Variants in TRPC1 observed in about 807,000 individuals in gnomAD.
TRPC1 encodes transient receptor potential cation channel subfamily C member 1, also known as short transient receptor potential channel 1.
In TRPC1, 42 loss-of-function variants were observed where a neutral mutation model predicts 88.2. The ratio of observed to expected loss-of-function variants is 0.48; its 90% confidence interval spans 0.37 to 0.62. TRPC1 has a LOEUF of 0.62. Ranked by LOEUF, TRPC1 falls within the 20% of genes least tolerant of loss-of-function variation. The probability of loss-of-function intolerance (pLI) is 0.00; values close to 1 mark genes in which losing one functional copy is unlikely to be tolerated. For synonymous variants in TRPC1, 288 were observed against 331.8 expected (o/e 0.87, Z 1.43); for missense variants, 699 against 957.3 (o/e 0.73, Z 3.56).
chr3:142,751,842 A>G (rs891306170), intron 4 of TRPC1, among the ~76,000 whole-genome samples: 1 of 152,098 alleles, frequency 6.6e-6, no homozygotes, highest in South Asian at 2.1e-4. Flanking sequence ...TCTGATGTTT[A>G]TTTGCAGAGG....
At chr3:142,774,570 G>T (rs1221830147) in intron 4 of TRPC1, among the ~76,000 whole-genome samples, 9 of 152,308 alleles carry the variant, frequency 5.9e-5, no homozygotes, top group African/African-American at 2.2e-4. Context: ...ACTGAACTGG[G>T]GGCAGGGGTG....
intron 4 of TRPC1, among the ~76,000 whole-genome samples, chr3:142,773,824 AC>A (rs544221569): frequency 2.8e-4 from 40 of 144,418 alleles, no homozygotes; most frequent in Non-Finnish European, 2.8e-4. Flanking sequence ...ATAGTGGTAA[AC>A]CTCTAATGTT....
intron 1 of TRPC1, among the ~76,000 whole-genome samples, chr3:142,725,494 G>T (rs950897447): frequency 2.4e-4 from 37 of 152,242 alleles, no homozygotes; most frequent in African/African-American, 8.4e-4. Flanking sequence ...TATATTTAGC[G>T]CGTTATCCTT....
chr3:142,778,026 T>A (rs951623770), intron 5 of TRPC1, among the ~76,000 whole-genome samples: 1 of 152,168 alleles, frequency 6.6e-6, no homozygotes, highest in African/African-American at 2.4e-5. Context: ...ACCAAAGGCA[T>A]TGTAGAGCAG....
intron 4 of TRPC1, among the ~76,000 whole-genome samples, chr3:142,758,189 T>C (rs1186112387): frequency 6.6e-6 from 1 of 152,214 alleles, no homozygotes; most frequent in Non-Finnish European, 1.5e-5. Context: ...GTTCTATTTT[T>C]AGTTTTTTGA....
chr3:142,735,447 A>G (rs12636864), intron 1 of TRPC1, among the ~76,000 whole-genome samples: 1,815 of 152,198 alleles, frequency 0.012, 48 homozygotes, highest in East Asian at 0.09. Flanking sequence ...TTATTTATCT[A>G]TTGTTTAACA....
chr3:142,782,145 G>A (rs553247967), intron 6 of TRPC1, among the ~76,000 whole-genome samples: 4 of 152,144 alleles, frequency 2.6e-5, no homozygotes, highest in East Asian at 1.9e-4. Context: ...AAAGAAAGGC[G>A]TAAAGAACTA....
At chr3:142,761,848 A>G (rs1023641847) in intron 4 of TRPC1, among the ~76,000 whole-genome samples, 1 of 152,064 alleles carries the variant, frequency 6.6e-6, no homozygotes, top group Non-Finnish European at 1.5e-5. Context: ...AGGTTTTTCA[A>G]TTAGTTTTGC....
Position 142,748,413 on chromosome 3 carries a change from C to T in TRPC1, c.585C>T (p.Cys195=). The change falls in exon 4 of 13, where the codon TGC becomes TGT. Residue 195 remains cysteine, a synonymous_variant. Transcript: ENST00000476941. ...AGCCCCATGCAGTTGGCTGTGAATG[C>T]ACATTGTGTTCTGCAAAAAACAAAA... ...LPKPHAVGCE[C]TLCSAKNKKD... 1 of 1,614,080 alleles carries T rather than the reference C, an allele frequency of 6.2e-7. No individual in the cohort carries two copies.
intron 4 of TRPC1, among the ~76,000 whole-genome samples, chr3:142,771,857 A>G (rs959318388): frequency 7.9e-5 from 12 of 152,148 alleles, no homozygotes; most frequent in African/African-American, 2.9e-4. Context: ...CAGTTCTGGT[A>G]GCAATATATT....
Position 142,748,362 on chromosome 3 carries a change from C to T in TRPC1, c.534C>T (p.Leu178=). 6.2e-7 allele frequency: 1 copy of T among 1,614,108 alleles called. No individual in the cohort carries two copies. Among genetic ancestry groups the T allele is most frequent in the Non-Finnish European group, 8.5e-7 (1 of 1,179,986 alleles). The part of the protein sequence containing the change: ...HRNNYEILTM[L]LKQDVSLPKP... ...ACAACTATGAAATTCTTACAATGCT[C>T]TTAAAACAGGATGTATCTCTACCCA... Residue 178 remains leucine, a synonymous_variant, in exon 4 of 13, where the codon CTC becomes CTT. Coordinates refer to ENST00000476941, the MANE Select transcript of TRPC1 (RefSeq NM_001251845.2).
At chr3:142,805,285 C>G (rs1236344702) in intron 12 of TRPC1, among the ~76,000 whole-genome samples, 5 of 151,518 alleles carry the variant, frequency 3.3e-5, no homozygotes, top group African/African-American at 1.2e-4. Context: ...TTCAAAATAC[C>G]CATTCTGTCA....
Position 142,807,176 on chromosome 3 carries a change from T to C in TRPC1, c.*941T>C, listed in dbSNP as rs1032912009. ...ATGTAGTCACAACCTGTTTTGTTTT[T>C]GTAAAACATAGGAAGTCTCTTTAAT... On this transcript the variant is annotated 3_prime_UTR_variant, in exon 13 of 13. Transcript: ENST00000476941. 1 of 152,194 alleles carries C rather than the reference T, an allele frequency of 6.6e-6. No homozygotes were observed. Among genetic ancestry groups the C allele is most frequent in the African/African-American group, 2.4e-5 (1 of 41,448 alleles). 9.4% of individuals were successfully genotyped at this position (152,194 alleles called of 1,614,324 possible). A position where few individuals can be genotyped will look rare whatever the true frequency, so the allele number is the denominator to read the frequency against.
chr3:142,750,357 A>G (rs1409892978), intron 4 of TRPC1, among the ~76,000 whole-genome samples: 1 of 152,260 alleles, frequency 6.6e-6, no homozygotes, highest in South Asian at 2.1e-4. Context: ...AATCAAAACC[A>G]CAGTGAGATA....
At position 142,748,066 on chromosome 3, in the gene TRPC1, A is replaced by G. The variant is rs560559842; in HGVS notation, c.430-192A>G. 3.3e-5 allele frequency among the ~76,000 whole-genome samples: 5 copies of G among 152,290 alleles called. No homozygotes were observed. In the East Asian group the frequency reaches 9.6e-4, roughly 29 times the overall value. On this transcript the variant is annotated intron_variant, in intron 3 of 12. Coordinates refer to ENST00000476941, the MANE Select transcript of TRPC1 (RefSeq NM_001251845.2). The stretch of plus-strand genomic sequence containing the variant: ...TGAAGATTTTGTCTGTTATGATTAC[A>G]TTGCATTTATTAATTAGAGTTAAGT...
chr3:142,731,958 T>C (rs1294735736), intron 1 of TRPC1, among the ~76,000 whole-genome samples: 3 of 152,244 alleles, frequency 2.0e-5, no homozygotes, highest in African/African-American at 7.2e-5. Flanking sequence ...ATATGGTCTG[T>C]GGCTGCTTTT....
At chr3:142,763,155 A>G (rs1366111266) in intron 4 of TRPC1, among the ~76,000 whole-genome samples, 4 of 152,084 alleles carry the variant, frequency 2.6e-5, no homozygotes, top group Non-Finnish European at 5.9e-5. Flanking sequence ...AATAGGGTGA[A>G]ATGTTCTATA....
rs139536491 is a variant in TRPC1 at position 142,804,640 on chromosome 3, T to G, written c.2154+10T>G. On this transcript the variant is annotated intron_variant, in intron 12 of 12. Coordinates refer to ENST00000476941, the MANE Select transcript of TRPC1 (RefSeq NM_001251845.2). ...GCAAAACAGTTTAAAGGTAAGAAAT[T>G]AGAAGCTTGAATGGCAACATAAAAG... The G allele has an allele frequency of 6.3e-6, 10 of 1,582,754 alleles. No homozygotes were observed. The highest frequency in any genetic ancestry group is 2.3e-5 in the East Asian group (1 of 44,188).
rs1277085785 is a variant in TRPC1, at chr3:142,802,162, T to A, written c.1582-7T>A. ...CTTAATGAACACCTGTGTAATATAT[T>A]CCACAGATTTCAATGGGACAGATGT... On this transcript the variant is annotated splice_region_variant and splice_polypyrimidine_tract_variant and intron_variant, in intron 9 of 12. Coordinates refer to ENST00000476941, the MANE Select transcript of TRPC1 (RefSeq NM_001251845.2). 1 of 1,549,008 alleles carries A rather than the reference T, an allele frequency of 6.5e-7. No individual in the cohort carries two copies. Among genetic ancestry groups the A allele is most frequent in the Non-Finnish European group, 8.7e-7 (1 of 1,154,012 alleles).
Sources: gnomAD v4.1 joint callset for allele counts (sites outside exome capture counted in the v4.1 genomes callset) on GRCh38, gnomAD v4.1.1 for gene constraint, MANE v1.5 for transcripts, NCBI Gene and HGNC (gene_info 2026-07-23, HGNC 2026-07-21) for gene names.